Variants in HMGXB4 observed in about 807,000 individuals in gnomAD.
HMGXB4 encodes the protein HMG domain-containing protein 4.
A neutral mutation model predicts 63.9 loss-of-function variants in HMGXB4; 27 were observed. The ratio of observed to expected loss-of-function variants is 0.42; its 90% confidence interval spans 0.31 to 0.58. The LOEUF (loss-of-function observed/expected upper bound fraction) is 0.58. Ranked by LOEUF, HMGXB4 falls within the 20% of genes least tolerant of loss-of-function variation. HMGXB4 has a pLI of 0.13. For synonymous variants in HMGXB4, 264 were observed against 265.3 expected, an observed-to-expected ratio of 0.99 and a Z score of 0.05; for missense variants, 624 against 700.7, an observed-to-expected ratio of 0.89 and a Z score of 1.24.
chr22:35,280,439 A>C (rs113024900), intron 5 of HMGXB4, among the ~76,000 whole-genome samples: 3 of 152,220 alleles, frequency 2.0e-5, no homozygotes, highest in African/African-American at 4.8e-5. Context: ...TTGCCACACT[A>C]TCTCTAATAA....
chr22:35,262,483 A>G (rs1922924215), intron 2 of HMGXB4, 62 bp downstream of exon 2: 2 of 1,508,722 alleles, frequency 1.3e-6, no homozygotes, highest in Non-Finnish European at 1.8e-6. Flanking sequence ...CTTGCAGCCC[A>G]TGGATATAGA....
rs184356295 is a variant in HMGXB4, at chr22:35,263,015, C to T, written c.32-63C>T. On this transcript the variant is annotated intron_variant, in intron 2 of 10. Transcript: ENST00000216106. Reference sequence around the variant, plus strand: ...AGGAACTGTTGCATTACCTGCATGACGATTTGGTCATTACTTACTTGACTT... The same window carrying T: ...AGGAACTGTTGCATTACCTGCATGATGATTTGGTCATTACTTACTTGACTT... 2.0e-4 allele frequency: 299 copies of T among 1,465,674 alleles called. No individual in the cohort carries two copies. The African/African-American group carries it at 3.8e-3, about 18-fold the overall frequency. The allele number at this position is 1,465,674 out of a possible 1,614,324, so 90.8% of individuals were successfully genotyped here. A position where few individuals can be genotyped will look rare whatever the true frequency, so the allele number is the denominator to read the frequency against.
At chr22:35,263,995 G>A (rs1437320316) in intron 4 of HMGXB4, 121 bp downstream of exon 4, 1 of 1,564,866 alleles carries the variant, frequency 6.4e-7, no homozygotes. Flanking sequence ...AGTGGTTCTT[G>A]TTCTGAGTGC....
At chr22:35,243,059 A>G in the HMGXB4 span, among the ~76,000 whole-genome samples, 1 of 152,190 alleles carries the variant, frequency 6.6e-6, no homozygotes, top group Non-Finnish European at 1.5e-5. Flanking sequence ...CTTGGCATAT[A>G]TTCTGTTGGC....
intron 9 of HMGXB4, among the ~76,000 whole-genome samples, chr22:35,288,737 A>C (rs1924743883): frequency 6.6e-6 from 1 of 151,900 alleles, no homozygotes; most frequent in Non-Finnish European, 1.5e-5. Context: ...TGTAATGCTA[A>C]TTTGGGAGGC....
Position 35,287,470 on chromosome 22 carries a change from C to T in HMGXB4, c.1468+18C>T, listed in dbSNP as rs183612021. ...AGTCAAAGGTAGTGACCACATCCCG[C>T]CCCTGCTTTTCTCTAAAGCATGTGA... On this transcript the variant is annotated intron_variant, in intron 8 of 10. Transcript: ENST00000216106. The T allele has an allele frequency of 1.3e-6, 2 of 1,556,550 alleles. No homozygotes were observed. Among genetic ancestry groups the T allele is most frequent in the East Asian group, 4.5e-5 (2 of 44,090 alleles).
chr22:35,257,208 A>G (rs1412004818), upstream of HMGXB4, among the ~76,000 whole-genome samples: 1 of 152,238 alleles, frequency 6.6e-6, no homozygotes, highest in Admixed American at 6.5e-5. Flanking sequence ...TCACATTCCA[A>G]CTACCTGTGT....
chr22:35,258,895 A>G (rs1461216216), intron 1 of HMGXB4, among the ~76,000 whole-genome samples: 1 of 152,174 alleles, frequency 6.6e-6, no homozygotes, highest in Admixed American at 6.5e-5. Flanking sequence ...GACGGGGCTT[A>G]CTTTGTTTCC....
chr22:35,284,293 A>G (rs1924438218), intron 6 of HMGXB4, among the ~76,000 whole-genome samples: 1 of 152,252 alleles, frequency 6.6e-6, no homozygotes, highest in Non-Finnish European at 1.5e-5. Context: ...TAAATGCACA[A>G]AAATATACAA....
rs369788336 is a variant in HMGXB4, at chr22:35,283,956, C to T, written c.1216-6C>T. 29 of 1,609,942 alleles carry T rather than the reference C, an allele frequency of 1.8e-5. No individual in the cohort carries two copies. Among genetic ancestry groups the T allele is most frequent in the Middle Eastern group, 1.7e-4 (1 of 6,060 alleles). ...TTACCCTGTTGTATCTTCTATGCGGCATTAGCCAAAAAAGAAGAACATGTC... is the reference window on the plus strand; with the variant it reads ...TTACCCTGTTGTATCTTCTATGCGGTATTAGCCAAAAAAGAAGAACATGTC... On this transcript the variant is annotated splice_region_variant and splice_polypyrimidine_tract_variant and intron_variant, in intron 5 of 10. Transcript: ENST00000216106.
In HMGXB4 at chr22:35,265,287, G is replaced by A; in HGVS notation, c.899G>A (p.Gly300Glu). Residue 300 changes from glycine to glutamate, a missense_variant, in exon 5 of 11, where the codon GGG becomes GAG. Around this residue, in one of 2 missense-constraint regions of HMGXB4, gnomAD observed 472 missense variants for 470.6 expected, o/e 1.00. Transcript: ENST00000216106. ...ILVESDSSSG[G>E]ELEAGELVID... The stretch of plus-strand genomic sequence containing the variant: ...GTAGAATCAGACTCATCCTCTGGTG[G>A]GGAACTAGAGGCTGGGGAGTTAGTG... 1 of 1,613,984 alleles carries A rather than the reference G, an allele frequency of 6.2e-7. No individual in the cohort carries two copies.
At chr22:35,262,620 C>T (rs985375258) in intron 2 of HMGXB4, 199 bp downstream of exon 2, 18 of 602,506 alleles carry the variant, frequency 3.0e-5, no homozygotes, top group African/African-American at 5.6e-5. Flanking sequence ...GGTTCCAACA[C>T]GAGAGTCTGA....
intron 7 of HMGXB4, chr22:35,286,997 G>A: frequency 5.2e-6 from 1 of 193,960 alleles, no homozygotes; most frequent in South Asian, 1.1e-4. Context: ...TTGTTATTCT[G>A]CTATTGTGTT....
At chr22:35,251,954 C>G in the HMGXB4 span, among the ~76,000 whole-genome samples, 31 of 152,292 alleles carry the variant, frequency 2.0e-4, no homozygotes, top group African/African-American at 6.5e-4. Flanking sequence ...CTGGCTCATT[C>G]CTGTAATCCC....
In HMGXB4 at chr22:35,265,060, A is replaced by G. The variant is rs751647131; in HGVS notation, c.672A>G (p.Ser224=). Residue 224 remains serine, a synonymous_variant, in exon 5 of 11, where the codon TCA becomes TCG. Coordinates refer to ENST00000216106, the MANE Select transcript of HMGXB4 (RefSeq NM_001003681.3). Reference sequence around the variant, plus strand: ...AACAAGCGACTGTGAAAAAATCCTCAAAGAAATCAGCTCGGGATGAGCAGG... The same window carrying G: ...AACAAGCGACTGTGAAAAAATCCTCGAAGAAATCAGCTCGGGATGAGCAGG... ...PSQQATVKKS[S]KKSARDEQGA... The G allele has an allele frequency of 6.2e-7, 1 of 1,614,074 alleles. No homozygotes were observed. The highest frequency in any genetic ancestry group is 8.5e-7 in the Non-Finnish European group (1 of 1,179,900).
At chr22:35,285,793 C>T (rs1924538082) in intron 6 of HMGXB4, among the ~76,000 whole-genome samples, 1 of 152,184 alleles carries the variant, frequency 6.6e-6, no homozygotes, top group Non-Finnish European at 1.5e-5. Flanking sequence ...CGAGTTGAGA[C>T]TGTCTCCTGA....
intron 5 of HMGXB4, among the ~76,000 whole-genome samples, chr22:35,272,851 T>G (rs1923689266): frequency 6.6e-6 from 1 of 152,338 alleles, no homozygotes; most frequent in South Asian, 2.1e-4. Flanking sequence ...GGAGAATCGC[T>G]TGAACCCGGG....
At chr22:35,288,625 G>A (rs1212398496) in intron 9 of HMGXB4, among the ~76,000 whole-genome samples, 1 of 152,164 alleles carries the variant, frequency 6.6e-6, no homozygotes, top group Non-Finnish European at 1.5e-5. Flanking sequence ...TTTCACTAAT[G>A]ATATCCTATT....
At chr22:35,242,785 T>A in the HMGXB4 span, among the ~76,000 whole-genome samples, 1 of 152,224 alleles carries the variant, frequency 6.6e-6, no homozygotes, top group Non-Finnish European at 1.5e-5. Context: ...GGCCCGCCTT[T>A]AGCTGTGTCC....
Sources: gnomAD v4.1 joint callset for allele counts (sites outside exome capture counted in the v4.1 genomes callset) on GRCh38, gnomAD v4.1.1 for gene constraint, gnomAD v4.1.1 regional missense constraint, MANE v1.5 for transcripts, NCBI Gene and HGNC (gene_info 2026-07-23, HGNC 2026-07-21) for gene names.